ASIC1: variants seen among roughly 807,000 people sequenced by gnomAD.
ASIC1 encodes the protein acid sensing ion channel subunit 1.
In ASIC1, 21 loss-of-function variants were observed where a neutral mutation model predicts 63.4. The ratio of observed to expected loss-of-function variants is 0.33; its 90% CI spans 0.23 to 0.48. The LOEUF (loss-of-function observed/expected upper bound fraction) is 0.48. ASIC1 is among the 20% of genes least tolerant of loss of function. The pLI, the probability that ASIC1 is intolerant of heterozygous loss-of-function variation, is 0.99. For synonymous variants in ASIC1, 258 were observed against 278.2 expected (o/e 0.93, Z 0.72); for missense variants, 478 against 695.5 (o/e 0.69, Z 3.52).
At chr12:50,068,692 A>T (rs949759841) in intron 3 of ASIC1, among the ~76,000 whole-genome samples, 1 of 150,524 alleles carries the variant, frequency 6.6e-6, no homozygotes, top group African/African-American at 2.4e-5. Flanking sequence ...TTACCTCCCA[A>T]ACTAGTTCTT....
chr12:50,061,318 C>T lies in ASIC1; in HGVS notation c.558+1364C>T, dbSNP rs569317577. ...TATCCTTAAGCCTTGCTCTGCAGAC[C>T]AGTTTCACTGGCCTTTGTCAATCCT... is the stretch of plus-strand genomic sequence containing the variant. On this transcript the variant is annotated intron_variant, in intron 3 of 11. Transcript: ENST00000447966. 1.1e-3 allele frequency among the ~76,000 whole-genome samples: 161 copies of T among 152,292 alleles called. 1 individual carries two copies. Among genetic ancestry groups the T allele is most frequent in the African/African-American group, 3.7e-3 (155 of 41,552 alleles).
intron 3 of ASIC1, chr12:50,073,501 C>T: frequency 2.8e-6 from 4 of 1,438,154 alleles, no homozygotes; most frequent in Middle Eastern, 3.6e-4. Flanking sequence ...CTGCCGGACT[C>T]TGCCTGGAGT....
At chr12:50,068,497 G>A (rs184211948) in intron 3 of ASIC1, among the ~76,000 whole-genome samples, 4 of 151,376 alleles carry the variant, frequency 2.6e-5, no homozygotes, top group African/African-American at 7.3e-5. Flanking sequence ...TCTATTCTTG[G>A]GCAGTCTCAT....
chr12:50,080,035 C>G lies in ASIC1; in HGVS notation c.1185C>G (p.Asn395Lys). The change falls in exon 8 of 12, where the codon AAC becomes AAG. Residue 395 changes from asparagine (N) to lysine (K), a missense_variant. Coordinates refer to ENST00000447966, the MANE Select transcript of ASIC1 (RefSeq NM_001095.4). ...ASAKYLAKKF[N>K]KSEQYIGENI... is the part of the protein sequence containing the mutation. ...CCAAGTACCTGGCCAAGAAGTTCAA[C>G]AAATCTGAGCAATACATAGGGTAAG... 6.2e-7 allele frequency: 1 copy of G among 1,612,880 alleles called. No individual in the cohort carries two copies. The highest frequency in any genetic ancestry group is 8.5e-7 in the Non-Finnish European group (1 of 1,179,302).
chr12:50,058,646 G>A (rs2137803770), intron 1 of ASIC1, 105 bp from the exon 2 acceptor site: 3 of 1,397,460 alleles, frequency 2.1e-6, no homozygotes, highest in Non-Finnish European at 2.9e-6. Context: ...TGCCCGAGGA[G>A]TGGTGACCTC....
chr12:50,070,566 C>A (rs888147921), intron 3 of ASIC1, among the ~76,000 whole-genome samples: 4 of 152,152 alleles, frequency 2.6e-5, no homozygotes, highest in Non-Finnish European at 4.4e-5. Context: ...GCGTGCACAC[C>A]CTTGTCTTTG....
At chr12:50,058,689 A>AG in intron 1 of ASIC1, 62 bp from the exon 2 acceptor site, 1 of 1,510,288 alleles carries the variant, frequency 6.6e-7, no homozygotes, top group South Asian at 1.3e-5. Flanking sequence ...GCACATGTGG[A>AG]GGGGCTCCAT....
chr12:50,074,241 A>G lies in ASIC1; in HGVS notation c.559-2972A>G. The G allele has an allele frequency of 6.8e-7, 1 of 1,472,358 alleles. No individual in the cohort carries two copies. Among genetic ancestry groups the G allele is most frequent in the East Asian group, 2.5e-5 (1 of 40,288 alleles). The allele number at this position is 1,472,358 out of a possible 1,614,324, so 91.2% of individuals were successfully genotyped here. A position where few individuals can be genotyped will look rare whatever the true frequency, so the allele number is the denominator to read the frequency against. The stretch of plus-strand genomic sequence containing the variant: ...GACCCTGCGGCCCTCACAACTTCTC[A>G]GTGGTGAGTGGAGCCCCATGCCTGC... On this transcript the variant is annotated intron_variant, in intron 3 of 11. Coordinates refer to ENST00000447966, the MANE Select transcript of ASIC1 (RefSeq NM_001095.4). This position sits in a 1 kb window ranked among gnomAD's most constrained non-coding sequence, Gnocchi z 4.2.
rs1273356623 is a variant in ASIC1 at position 50,057,828 on chromosome 12, G to A, written c.-105G>A. 1 of 150,906 alleles carries A rather than the reference G, an allele frequency of 6.6e-6. No individual in the cohort carries two copies. Among genetic ancestry groups the A allele is most frequent in the East Asian group, 1.9e-4 (1 of 5,138 alleles). The allele number at this position is 150,906 out of a possible 1,614,324, so 9.3% of individuals were successfully genotyped here. On this transcript the variant is annotated 5_prime_UTR_variant, in exon 1 of 12. The change abolishes an upstream ATG in the 5' untranslated region. Coordinates refer to ENST00000447966, the MANE Select transcript of ASIC1 (RefSeq NM_001095.4). The surrounding 1 kb of genome is among the most constrained non-coding windows in gnomAD (Gnocchi z 4.7). ...GCCGCGGGCTCCGGCCCCGGGCCAT[G>A]AGCCCCTCCGCGACTCGGCGCTGAG...
In ASIC1 at chr12:50,078,105, T is replaced by C; in HGVS notation, c.815T>C (p.Phe272Ser). 6.2e-7 allele frequency: 1 copy of C among 1,613,772 alleles called. No homozygotes were observed. Among genetic ancestry groups the C allele is most frequent in the Non-Finnish European group, 8.5e-7 (1 of 1,179,842 alleles). Residue 272 changes from phenylalanine (F) to serine (S), a missense_variant, in exon 5 of 12, where the codon TTT becomes TCT. By Grantham distance (155) the Phe-to-Ser change is radical (BLOSUM62 -2). Coordinates refer to ENST00000447966, the MANE Select transcript of ASIC1 (RefSeq NM_001095.4). This position sits in a 1 kb window ranked among gnomAD's most constrained non-coding sequence, Gnocchi z 6.0. ...GFGVAPGFQT[F>S]VACQEQRLIY... Reference sequence around the variant, plus strand: ...GGCGTGGCCCCAGGCTTCCAGACCTTTGTGGCCTGCCAGGAGCAGCGGGTG... The same window carrying C: ...GGCGTGGCCCCAGGCTTCCAGACCTCTGTGGCCTGCCAGGAGCAGCGGGTG...
chr12:50,080,572 A>G lies in ASIC1; in HGVS notation c.1280A>G (p.Glu427Gly). 6.2e-7 allele frequency: 1 copy of G among 1,614,184 alleles called. No individual in the cohort carries two copies. The stretch of plus-strand genomic sequence containing the variant: ...ACCATTGAACAGAAGAAGGCCTATG[A>G]GATTGCAGGGCTCCTGGGTGAGCTG... ...YETIEQKKAYEIAGLLGDIGG... is the reference protein window; with the variant it reads ...YETIEQKKAYGIAGLLGDIGG... The change falls in exon 9 of 12, where the codon GAG (glutamate) becomes GGG (glycine). Residue 427 changes from glutamate to glycine, a missense_variant. Coordinates refer to ENST00000447966, the MANE Select transcript of ASIC1 (RefSeq NM_001095.4).
intron 3 of ASIC1, among the ~76,000 whole-genome samples, chr12:50,060,612 C>T (rs1051926011): frequency 6.6e-6 from 1 of 152,220 alleles, no homozygotes; most frequent in East Asian, 1.9e-4. Context: ...GAAAGGAAGG[C>T]CATCGGGACA....
intron 3 of ASIC1, among the ~76,000 whole-genome samples, chr12:50,072,647 G>A (rs1268823590): frequency 6.6e-6 from 1 of 152,130 alleles, no homozygotes; most frequent in African/African-American, 2.4e-5. Context: ...TTCGGGGGGC[G>A]GGGGGCAGGC....
intron 3 of ASIC1, among the ~76,000 whole-genome samples, chr12:50,062,336 G>A (rs562780648): frequency 6.6e-5 from 10 of 152,236 alleles, no homozygotes; most frequent in African/African-American, 9.6e-5. Context: ...CAAGAGGTGT[G>A]TTGGGAGTGT....
In ASIC1 at chr12:50,059,491, G is replaced by A. The variant is rs1166849351; in HGVS notation, c.363-268G>A. On this transcript the variant is annotated intron_variant, in intron 2 of 11. Transcript: ENST00000447966. This position sits in a 1 kb window ranked among gnomAD's most constrained non-coding sequence, Gnocchi z 4.6. ...AAAGGGTAGAAACTACAGTATAAAAGCCACAGCCCCTGCCTTGTCTCTCTG... is the reference window on the plus strand; with the variant it reads ...AAAGGGTAGAAACTACAGTATAAAAACCACAGCCCCTGCCTTGTCTCTCTG... Among the ~76,000 whole-genome samples, 1 of 152,158 alleles carries A rather than the reference G, an allele frequency of 6.6e-6. No individual in the cohort carries two copies. The highest frequency in any genetic ancestry group is 2.4e-5 in the African/African-American group (1 of 41,440).
intron 3 of ASIC1, among the ~76,000 whole-genome samples, chr12:50,076,225 G>C (rs1231861568): frequency 6.6e-6 from 1 of 152,192 alleles, no homozygotes; most frequent in Non-Finnish European, 1.5e-5. Flanking sequence ...CCAACACTTT[G>C]GGAGGCTGAG....
chr12:50,069,192 G>GCA (rs1950574191), intron 3 of ASIC1, among the ~76,000 whole-genome samples: 1 of 142,402 alleles, frequency 7.0e-6, no homozygotes, highest in South Asian at 2.3e-4. Flanking sequence ...GTGCGCACGT[G>GCA]CACACACACA....
rs1950691446 is a variant in ASIC1, at chr12:50,079,348, G to A, written c.1051+368G>A. Among the ~76,000 whole-genome samples, 5 of 152,140 alleles carry A rather than the reference G, an allele frequency of 3.3e-5. No individual in the cohort carries two copies. The South Asian group carries it at 1.0e-3, about 31-fold the overall frequency. ...AGAATTCCTTGAACCGGGGAGGTGA[G>A]GTTGCAGTGAGCCGAGATTGCACCA... On this transcript the variant is annotated intron_variant, in intron 7 of 11. Transcript: ENST00000447966.
intron 3 of ASIC1, among the ~76,000 whole-genome samples, chr12:50,075,588 A>G (rs1950647541): frequency 6.6e-6 from 1 of 152,148 alleles, no homozygotes; most frequent in African/African-American, 2.4e-5. Context: ...TCACCCACAA[A>G]GTGGGGAGAG....
Sources: allele counts gnomAD v4.1 joint callset (sites outside exome capture counted in the v4.1 genomes callset), GRCh38; gene constraint gnomAD v4.1.1; non-coding constraint Gnocchi (gnomAD v3.1); transcripts MANE v1.5; gene names NCBI Gene and HGNC (gene_info 2026-07-23, HGNC 2026-07-21).